The following THSD4 variants were observed in gnomAD, a reference collection of about 807,000 sequenced individuals.
THSD4 encodes the protein thrombospondin type 1 domain containing 4.
THSD4 carries 69 observed loss-of-function variants against 119.0 expected under a neutral mutation model. The ratio of observed to expected loss-of-function variants is 0.58; its 90% confidence interval spans 0.48 to 0.71. THSD4 has a LOEUF of 0.71. THSD4 is among the 30% of genes least tolerant of loss of function. THSD4 has a pLI of 0.00. For missense variants in THSD4, 1,393 were observed against 1,391.1 expected (o/e 1.00, Z -0.02); for synonymous variants, 524 against 540.4 (o/e 0.97, Z 0.42).
At chr15:71,757,133 T>C (rs2053553032) in intron 14 of THSD4, among the ~76,000 whole-genome samples, 1 of 152,108 alleles carries the variant, frequency 6.6e-6, no homozygotes, top group Non-Finnish European at 1.5e-5. Flanking sequence ...TAGATGAGCA[T>C]GCCAAAGGTA....
chr15:71,532,279 AGAGAGT>A (rs2048621231), intron 7 of THSD4, among the ~76,000 whole-genome samples: 1 of 119,998 alleles, frequency 8.3e-6, no homozygotes, highest in Non-Finnish European at 1.8e-5. Flanking sequence ...AGAGAGAGAG[AGAGAGT>A]GTGTGTGTGT....
intron 7 of THSD4, among the ~76,000 whole-genome samples, chr15:71,414,246 A>G (rs949833124): frequency 6.6e-6 from 1 of 152,274 alleles, no homozygotes; most frequent in Non-Finnish European, 1.5e-5. Context: ...TTCAGTAAGC[A>G]TACTGGCATT....
At chr15:71,567,486 G>A (rs775440526) in intron 7 of THSD4, among the ~76,000 whole-genome samples, 9 of 152,138 alleles carry the variant, frequency 5.9e-5, no homozygotes, top group South Asian at 2.1e-4. Flanking sequence ...AATGAAGCAA[G>A]GAAGCAGGCA....
intron 3 of THSD4, among the ~76,000 whole-genome samples, chr15:71,199,705 T>TGTG (rs1567154802): frequency 1.6e-3 from 22 of 13,400 alleles, no homozygotes; most frequent in Admixed American, 2.9e-3. Context: ...GTGTGGTGTC[T>TGTG]GGGTGTGTGG....
rs1015885912 is a variant in THSD4 at position 71,115,693 on chromosome 15, C to G, written c.-85C>G. ...CCGCCGGTCGCTCCGGGACGCGGAC[C>G]GCCAGGTGAGCAGAGCCGCGCGCCC... On this transcript the variant is annotated 5_prime_UTR_variant, in exon 1 of 18. Coordinates refer to ENST00000261862, the MANE Select transcript of THSD4 (RefSeq NM_024817.3). The surrounding 1 kb of genome is among the most constrained non-coding windows in gnomAD (Gnocchi z 4.4). 6 of 146,800 alleles carry G rather than the reference C, an allele frequency of 4.1e-5. No individual in the cohort carries two copies. Among genetic ancestry groups the G allele is most frequent in the Non-Finnish European group, 7.6e-5 (5 of 66,022 alleles). The allele number at this position is 146,800 out of a possible 1,614,324, so 9.1% of individuals were successfully genotyped here.
intron 4 of THSD4, among the ~76,000 whole-genome samples, chr15:71,229,576 A>G (rs2044044638): frequency 6.6e-6 from 1 of 152,212 alleles, no homozygotes; most frequent in Admixed American, 6.5e-5. Context: ...AAAAAAGTCT[A>G]TGCATGTTCA....
rs571019973 is a variant in THSD4, at chr15:71,208,837, C to T, written c.100-6198C>T. On this transcript the variant is annotated intron_variant, in intron 3 of 17. Transcript: ENST00000261862. ...CTGGATGTCGTTTCTGTTTCCTGCT[C>T]CCTGGCTCATGGCCCATCATGACTA... is the stretch of plus-strand genomic sequence containing the variant. 1.4e-3 allele frequency among the ~76,000 whole-genome samples: 220 copies of T among 152,202 alleles called. 1 individual carries two copies. Among genetic ancestry groups the T allele is most frequent in the African/African-American group, 5.1e-3 (212 of 41,528 alleles).
rs1379506089 is a variant in THSD4 at position 71,532,283 on chromosome 15, A to AGAGAGAGAGAGAGT, written c.1152+120461_1152+120462insAGAGAGAGAGAGTG. On this transcript the variant is annotated intron_variant, in intron 7 of 17. Transcript: ENST00000261862. ...AAGGGTGAGAGAGAGAGAGAGAGAG[A>AGAGAGAGAGAGAGT]GTGTGTGTGTGTGTGTGTGTGTGTG... Among the ~76,000 whole-genome samples the AGAGAGAGAGAGAGT allele has an allele frequency of 4.0e-3, 409 of 101,632 alleles. 1 individual carries two copies. Among genetic ancestry groups the AGAGAGAGAGAGAGT allele is most frequent in the Non-Finnish European group, 5.9e-3 (281 of 47,952 alleles). 66.7% of individuals were successfully genotyped at this position (101,632 alleles called of 152,430 possible). A position where few individuals can be genotyped will look rare whatever the true frequency, so the allele number is the denominator to read the frequency against.
chr15:71,378,882 C>T (rs1156658060), intron 6 of THSD4, among the ~76,000 whole-genome samples: 1 of 152,166 alleles, frequency 6.6e-6, no homozygotes, highest in African/African-American at 2.4e-5. Context: ...CTCCGGAGCT[C>T]AAAGGATCCT....
intron 10 of THSD4, among the ~76,000 whole-genome samples, chr15:71,736,954 G>C (rs922331311): frequency 6.6e-6 from 1 of 152,226 alleles, no homozygotes; most frequent in Non-Finnish European, 1.5e-5. Flanking sequence ...CCACACCTGT[G>C]TGTATGTGTG....
chr15:71,230,908 G>T (rs1226855190), intron 4 of THSD4, among the ~76,000 whole-genome samples: 1 of 152,186 alleles, frequency 6.6e-6, no homozygotes, highest in South Asian at 2.1e-4. Flanking sequence ...TCCTTGCTGG[G>T]AGGACACACT....
chr15:71,724,287 A>ATATATATACATATATATATATT, intron 8 of THSD4, among the ~76,000 whole-genome samples: 1 of 37,288 alleles, frequency 2.7e-5, no homozygotes, highest in Non-Finnish European at 6.1e-5. Flanking sequence ...ATATATATAT[A>ATATATATACATATATATATATT]TTTTTTTTTT....
chr15:71,370,065 G>C (rs893335037), intron 6 of THSD4, among the ~76,000 whole-genome samples: 2 of 150,486 alleles, frequency 1.3e-5, no homozygotes, highest in Admixed American at 1.3e-4. Flanking sequence ...TAGTTTTTTT[G>C]TGTAGAGGTG....
intron 4 of THSD4, among the ~76,000 whole-genome samples, chr15:71,217,348 T>C (rs2043941751): frequency 6.6e-6 from 1 of 152,168 alleles, no homozygotes; most frequent in Admixed American, 6.5e-5. Flanking sequence ...CCAGGTGCGT[T>C]GGCTCACTCC....
intron 7 of THSD4, among the ~76,000 whole-genome samples, chr15:71,634,445 G>A (rs1285792792): frequency 1.3e-5 from 2 of 152,204 alleles, no homozygotes; most frequent in African/African-American, 4.8e-5. Context: ...GAAAGTCCCA[G>A]TCTTTGCCAT....
chr15:71,583,816 G>A (rs1236464495), intron 7 of THSD4, among the ~76,000 whole-genome samples: 2 of 151,868 alleles, frequency 1.3e-5, no homozygotes, highest in South Asian at 2.1e-4. Flanking sequence ...ACTTGTTTTG[G>A]GCATAATATA....
At chr15:71,166,022 T>C (rs971539704) in intron 3 of THSD4, among the ~76,000 whole-genome samples, 1 of 151,990 alleles carries the variant, frequency 6.6e-6, no homozygotes, top group African/African-American at 2.4e-5. Context: ...GAACCAGAGG[T>C]GGCTGGGCAG....
chr15:71,229,693 A>G (rs2044045432), intron 4 of THSD4, among the ~76,000 whole-genome samples: 1 of 152,160 alleles, frequency 6.6e-6, no homozygotes, highest in Non-Finnish European at 1.5e-5. Flanking sequence ...TGTGCTAATT[A>G]TTTTTATGGA....
chr15:71,101,126 CT>C (rs1314146735), intron 1 of THSD4, among the ~76,000 whole-genome samples: 2 of 151,904 alleles, frequency 1.3e-5, no homozygotes, highest in East Asian at 1.9e-4. Flanking sequence ...CTACTTTCTT[CT>C]GAAATATTTG....
Sources: allele counts gnomAD v4.1 joint callset (sites outside exome capture counted in the v4.1 genomes callset), GRCh38; gene constraint gnomAD v4.1.1; non-coding constraint Gnocchi (gnomAD v3.1); transcripts MANE v1.5; gene names NCBI Gene and HGNC (gene_info 2026-07-23, HGNC 2026-07-21).